The following PHIP variants were observed in gnomAD, a reference collection of about 807,000 sequenced individuals.
PHIP encodes PH-interacting protein.
Under a neutral mutation model 236.8 loss-of-function variants are expected in PHIP, and 54 were observed. The ratio of observed to expected loss-of-function variants is 0.23; its 90% confidence interval spans 0.18 to 0.29. The LOEUF is 0.29. Among genes scored for constraint, PHIP ranks in the 10% least tolerant of loss-of-function variants. PHIP has a pLI of 1.00. For missense variants in PHIP, 1,370 were observed against 2,190.8 expected, an observed-to-expected ratio of 0.63 and a Z score of 7.48; for synonymous variants, 756 against 718.9, an observed-to-expected ratio of 1.05 and a Z score of -0.83.
At chr6:79,020,550 T>A (rs1771065370) in intron 9 of PHIP, among the ~76,000 whole-genome samples, 1 of 152,254 alleles carries the variant, frequency 6.6e-6, no homozygotes, top group Non-Finnish European at 1.5e-5. Context: ...AGATTTTTTT[T>A]AATTTTTGGT....
intron 17 of PHIP, among the ~76,000 whole-genome samples, chr6:78,999,136 A>G (rs1356253979): frequency 6.6e-6 from 1 of 152,228 alleles, no homozygotes. Flanking sequence ...CGCAAGAGGT[A>G]CAAACGCTGT....
At chr6:78,945,230 C>G (rs1582079917) in intron 39 of PHIP, 70 bp downstream of exon 39, 1 of 1,162,202 alleles carries the variant, frequency 8.6e-7, no homozygotes, top group Non-Finnish European at 1.3e-6. Context: ...GATATAAATG[C>G]TGATTCCAAC....
At chr6:79,066,872 C>T (rs1773647640) in intron 4 of PHIP, among the ~76,000 whole-genome samples, 1 of 152,036 alleles carries the variant, frequency 6.6e-6, no homozygotes, top group Non-Finnish European at 1.5e-5. Flanking sequence ...ACTTTTTAAA[C>T]TCATCCACCC....
rs1774291749 is a variant in PHIP at position 79,078,181 on chromosome 6, G to A, written c.-113C>T. 1.9e-6 allele frequency: 2 copies of A among 1,056,966 alleles called. No individual in the cohort carries two copies. Among genetic ancestry groups the A allele is most frequent in the Non-Finnish European group, 2.8e-6 (2 of 723,814 alleles). The allele number at this position is 1,056,966 out of a possible 1,614,324, so 65.5% of individuals were successfully genotyped here. ...AGTGTGTGTTCACGAGCCGAGCTTCGGCTCCACCATTCAAGCAACGGCGGC... is the reference window on the plus strand; with the variant it reads ...AGTGTGTGTTCACGAGCCGAGCTTCAGCTCCACCATTCAAGCAACGGCGGC... On this transcript the variant is annotated 5_prime_UTR_variant, in exon 1 of 40. Transcript: ENST00000275034.
At chr6:78,980,072 G>C (rs1028177986) in intron 23 of PHIP, among the ~76,000 whole-genome samples, 2 of 151,928 alleles carry the variant, frequency 1.3e-5, no homozygotes, top group African/African-American at 4.8e-5. Context: ...AGCATAGTAC[G>C]ATCTCACTTA....
In PHIP at chr6:78,946,169, T is replaced by C; in HGVS notation, c.4462A>G (p.Arg1488Gly). ...CCGTTTATCTGAGCAGCATTGTGTC[T>C]TGGCGGTATTGATCGTGTAGGTGTA... ...FSTPTRSIPP[R>G]HNAAQINGKT... Residue 1488 changes from arginine (R) to glycine (G), a missense_variant, in exon 38 of 40, where the codon AGA (arginine) becomes GGA (glycine). Around this residue, in one of 14 missense-constraint regions of PHIP, gnomAD observed 309 missense variants for 328.3 expected, o/e 0.94. Coordinates refer to ENST00000275034, the MANE Select transcript of PHIP (RefSeq NM_017934.7). 6.2e-7 allele frequency: 1 copy of C among 1,614,082 alleles called. No homozygotes were observed. Among genetic ancestry groups the C allele is most frequent in the Non-Finnish European group, 8.5e-7 (1 of 1,179,944 alleles).
At chr6:79,015,416 T>C (rs1404530643) in intron 14 of PHIP, among the ~76,000 whole-genome samples, 200 bp from the exon 15 acceptor site, 1 of 151,656 alleles carries the variant, frequency 6.6e-6, no homozygotes, top group Non-Finnish European at 1.5e-5. Context: ...TGGATGGATC[T>C]TTTCATATTA....
At chr6:79,055,542 TA>T (rs1159898505) in intron 6 of PHIP, among the ~76,000 whole-genome samples, 1 of 152,176 alleles carries the variant, frequency 6.6e-6, no homozygotes, top group Non-Finnish European at 1.5e-5. Flanking sequence ...TCTTCCACAA[TA>T]AAAGAATCAC....
Position 78,945,416 on chromosome 6 carries a change from C to A in PHIP, c.4712G>T (p.Arg1571Met), listed in dbSNP as rs1473065581. ...CATGTTTTCTTTTGCAGAATTATTC[C>A]TAGTGCCATGACTAAAACTGGATTG... is the stretch of plus-strand genomic sequence containing the variant. ...PGQSSFSHGT[R>M]NNSAKENMEK... Residue 1571 changes from arginine (R) to methionine (M), a missense_variant, in exon 39 of 40, where the codon AGG becomes ATG. Coordinates refer to ENST00000275034, the MANE Select transcript of PHIP (RefSeq NM_017934.7). The A allele has an allele frequency of 1.2e-6, 2 of 1,611,538 alleles. No homozygotes were observed. Among genetic ancestry groups the A allele is most frequent in the Admixed American group, 3.3e-5 (2 of 59,990 alleles).
intron 35 of PHIP, among the ~76,000 whole-genome samples, chr6:78,950,977 A>G (rs1283540269): frequency 6.6e-6 from 1 of 152,110 alleles, no homozygotes; most frequent in African/African-American, 2.4e-5. Flanking sequence ...TCTTTAGTAC[A>G]TTTTAGTATT....
chr6:78,958,270 AT>A (rs1382236884), intron 32 of PHIP: 12 of 398,210 alleles, frequency 3.0e-5, no homozygotes, highest in Non-Finnish European at 5.4e-5. Context: ...TTTCATTCTT[AT>A]TATTAGCCAA....
chr6:78,947,953 C>CT (rs1285606508), intron 35 of PHIP, among the ~76,000 whole-genome samples, 178 bp from the exon 36 acceptor site: 1 of 151,468 alleles, frequency 6.6e-6, no homozygotes, highest in Non-Finnish European at 1.5e-5. Context: ...TTTCATACTC[C>CT]CCCCCCTTAT....
chr6:79,073,439 T>C (rs528505608), intron 4 of PHIP, among the ~76,000 whole-genome samples: 5 of 152,306 alleles, frequency 3.3e-5, no homozygotes, highest in Admixed American at 2.6e-4. Flanking sequence ...GTAACTCTAC[T>C]ACAACTACAC....
chr6:78,996,466 G>T (rs957116447), intron 19 of PHIP, among the ~76,000 whole-genome samples: 2 of 151,944 alleles, frequency 1.3e-5, no homozygotes, highest in African/African-American at 4.8e-5. Context: ...TTCAGAATTG[G>T]TGTTGAAAAA....
intron 6 of PHIP, among the ~76,000 whole-genome samples, chr6:79,052,856 T>G (rs1772866834): frequency 6.6e-6 from 1 of 152,126 alleles, no homozygotes; most frequent in Admixed American, 6.6e-5. Flanking sequence ...TGGACAGAGC[T>G]GGCACATTAA....
At chr6:78,955,887 A>G (rs1162336231) in intron 32 of PHIP, 8 of 306,974 alleles carry the variant, frequency 2.6e-5, no homozygotes, top group Non-Finnish European at 3.6e-5. Context: ...TGGCCTCACT[A>G]TATCATTACA....
chr6:79,049,843 T>C (rs571638604), intron 6 of PHIP, among the ~76,000 whole-genome samples: 55 of 152,302 alleles, frequency 3.6e-4, no homozygotes, highest in African/African-American at 1.3e-3. Context: ...TATATGGTGT[T>C]GGTGATTTCA....
At chr6:78,960,916 A>T (rs1251224999) in intron 31 of PHIP, among the ~76,000 whole-genome samples, 1 of 152,182 alleles carries the variant, frequency 6.6e-6, no homozygotes, top group African/African-American at 2.4e-5. Context: ...AGAATAACGG[A>T]AAGGACTTCA....
At chr6:79,051,473 TA>T (rs1158809061) in intron 6 of PHIP, among the ~76,000 whole-genome samples, 2 of 152,194 alleles carry the variant, frequency 1.3e-5, no homozygotes, top group Non-Finnish European at 2.9e-5. Flanking sequence ...CTCTTCGCTT[TA>T]ATACTATAAC....
Sources: allele counts gnomAD v4.1 joint callset (sites outside exome capture counted in the v4.1 genomes callset), GRCh38; gene constraint gnomAD v4.1.1; regional missense constraint gnomAD v4.1.1; transcripts MANE v1.5; gene names NCBI Gene and HGNC (gene_info 2026-07-23, HGNC 2026-07-21).